SGCG: variants seen among roughly 807,000 people sequenced by gnomAD.
SGCG encodes gamma-sarcoglycan.
SGCG carries 26 observed loss-of-function variants against 29.3 expected under a neutral mutation model. The observed-to-expected ratio is 0.89, with a 90% CI of 0.65 to 1.23. The LOEUF is 1.23. Among genes scored for constraint, SGCG ranks in the 50% most tolerant of loss-of-function variants. The probability of loss-of-function intolerance (pLI) is 0.00; values close to 1 mark genes in which losing one functional copy is unlikely to be tolerated. For synonymous variants in SGCG, 145 were observed against 129.7 expected, an observed-to-expected ratio of 1.12 and a Z score of -0.80; for missense variants, 353 against 356.0, an observed-to-expected ratio of 0.99 and a Z score of 0.07.
intron 1 of SGCG, among the ~76,000 whole-genome samples, chr13:23,201,004 GT>G (rs1444660597): frequency 6.6e-6 from 1 of 152,000 alleles, no homozygotes; most frequent in Non-Finnish European, 1.5e-5. Flanking sequence ...CCACGGGAAG[GT>G]TTGTTGCAGA....
At chr13:23,263,775 T>C (rs1251679297) in intron 4 of SGCG, among the ~76,000 whole-genome samples, 5 of 152,062 alleles carry the variant, frequency 3.3e-5, no homozygotes, top group African/African-American at 9.7e-5. Flanking sequence ...GTTCAACATA[T>C]GCGAGTCAAG....
At chr13:23,247,551 T>G (rs1879761178) in intron 3 of SGCG, among the ~76,000 whole-genome samples, 1 of 152,186 alleles carries the variant, frequency 6.6e-6, no homozygotes, top group African/African-American at 2.4e-5. Flanking sequence ...ACTTGGTGAA[T>G]AAAGTCACCC....
At chr13:23,274,225 T>C (rs1381656801) in intron 4 of SGCG, among the ~76,000 whole-genome samples, 1 of 152,092 alleles carries the variant, frequency 6.6e-6, no homozygotes, top group African/African-American at 2.4e-5. Context: ...CTTAAGTGGC[T>C]TCTCACTAAG....
chr13:23,192,407 C>T (rs1425744896), intron 1 of SGCG, among the ~76,000 whole-genome samples: 2 of 146,706 alleles, frequency 1.4e-5, no homozygotes, highest in Non-Finnish European at 2.9e-5. Flanking sequence ...ATTTTTGAGA[C>T]GGAGTCTCAG....
chr13:23,240,800 AG>A (rs1879474838), intron 3 of SGCG, among the ~76,000 whole-genome samples: 1 of 152,198 alleles, frequency 6.6e-6, no homozygotes, highest in Non-Finnish European at 1.5e-5. Context: ...TAAATTTGGG[AG>A]GATGTAGCTG....
At chr13:23,170,887 G>A in the SGCG span, among the ~76,000 whole-genome samples, 1 of 152,212 alleles carries the variant, frequency 6.6e-6, no homozygotes, top group African/African-American at 2.4e-5. Flanking sequence ...GTGCCCCTGT[G>A]TGTGGTCAAG....
At chr13:23,250,856 A>C (rs559103466) in intron 4 of SGCG, 139 bp downstream of exon 4, 1 of 711,148 alleles carries the variant, frequency 1.4e-6, no homozygotes, top group African/African-American at 1.7e-5. Context: ...TGCTGTGTTG[A>C]CCACAGACTA....
intron 1 of SGCG, among the ~76,000 whole-genome samples, chr13:23,191,327 T>G (rs1432506417): frequency 6.6e-6 from 1 of 151,966 alleles, no homozygotes. Context: ...GGAGTAGAGT[T>G]GAAGGAGGGA....
At chr13:23,162,756 G>A in the SGCG span, among the ~76,000 whole-genome samples, 1 of 152,102 alleles carries the variant, frequency 6.6e-6, no homozygotes, top group African/African-American at 2.4e-5. Context: ...ACTTGAACCT[G>A]GGTGGCGAAG....
intron 6 of SGCG, among the ~76,000 whole-genome samples, chr13:23,314,379 A>G (rs1882717586): frequency 1.2e-4 from 1 of 8,244 alleles, no homozygotes; most frequent in South Asian, 0.013. Context: ...TGTCTGCTAT[A>G]GGTTATATAT....
intron 4 of SGCG, among the ~76,000 whole-genome samples, chr13:23,279,114 T>C (rs1157107378): frequency 6.6e-6 from 1 of 152,238 alleles, no homozygotes; most frequent in Non-Finnish European, 1.5e-5. Context: ...AACTCTTAAA[T>C]AATGTATTTG....
At chr13:23,192,354 ATTTAT>A (rs1044247530) in intron 1 of SGCG, among the ~76,000 whole-genome samples, 2 of 151,702 alleles carry the variant, frequency 1.3e-5, no homozygotes, top group Non-Finnish European at 2.9e-5. Flanking sequence ...TAGGATCTTT[ATTTAT>A]TTTATTTTAT....
chr13:23,168,933 CCTTT>C, the SGCG span, among the ~76,000 whole-genome samples: 1 of 151,950 alleles, frequency 6.6e-6, no homozygotes, highest in African/African-American at 2.4e-5. Context: ...ATTGGAATTT[CCTTT>C]CTTAATAGCA....
intron 2 of SGCG, among the ~76,000 whole-genome samples, chr13:23,216,986 A>AATT (rs1878451795): frequency 6.6e-6 from 1 of 152,120 alleles, no homozygotes; most frequent in South Asian, 2.1e-4. Context: ...CATAAATGAC[A>AATT]ATTATAATGA....
At chr13:23,193,322 T>C (rs1275447712) in intron 1 of SGCG, among the ~76,000 whole-genome samples, 1 of 152,132 alleles carries the variant, frequency 6.6e-6, no homozygotes, top group Admixed American at 6.5e-5. Context: ...ACGAGTGACT[T>C]TAAACAGGGC....
chr13:23,182,329 C>T (rs1876771712), intron 1 of SGCG, among the ~76,000 whole-genome samples: 1 of 152,126 alleles, frequency 6.6e-6, no homozygotes, highest in Non-Finnish European at 1.5e-5. Context: ...GCGCTTGTGT[C>T]TTCTCAGCTT....
chr13:23,305,396 C>T (rs1191204237), intron 6 of SGCG, among the ~76,000 whole-genome samples: 1 of 152,176 alleles, frequency 6.6e-6, no homozygotes, highest in Non-Finnish European at 1.5e-5. Flanking sequence ...CCTTACTAAA[C>T]CTTTTATGGT....
At chr13:23,272,939 A>C (rs1456603447) in intron 4 of SGCG, among the ~76,000 whole-genome samples, 1 of 151,992 alleles carries the variant, frequency 6.6e-6, no homozygotes, top group East Asian at 1.9e-4. Context: ...CTTCTAATTC[A>C]ATGGTTACTT....
chr13:23,199,479 A>G (rs1877654410), intron 1 of SGCG, among the ~76,000 whole-genome samples: 1 of 152,240 alleles, frequency 6.6e-6, no homozygotes, highest in African/African-American at 2.4e-5. Context: ...GTTAAACCAG[A>G]TAGCCTCTGA....
Sources: allele counts gnomAD v4.1 joint callset (sites outside exome capture counted in the v4.1 genomes callset), GRCh38; gene constraint gnomAD v4.1.1; transcripts MANE v1.5; gene names NCBI Gene and HGNC (gene_info 2026-07-23, HGNC 2026-07-21).